The following SAAL1 variants were observed in gnomAD, a reference collection of about 807,000 sequenced individuals.
SAAL1 encodes the protein serum amyloid A like 1.
SAAL1 carries 42 observed loss-of-function variants against 59.8 expected under a neutral mutation model. That is an observed-to-expected ratio of 0.70 (90% confidence interval 0.55 to 0.91). The LOEUF is 0.91. Among genes scored for constraint, SAAL1 ranks in the 40% least tolerant of loss-of-function variants. SAAL1 has a pLI of 0.00. For synonymous variants in SAAL1, 191 were observed against 194.3 expected (o/e 0.98, Z 0.14); for missense variants, 542 against 561.1 (o/e 0.97, Z 0.34).
chr11:18,090,362 T>TA, intron 5 of SAAL1, 72 bp from the exon 6 acceptor site: 3 of 1,554,678 alleles, frequency 1.9e-6, no homozygotes, highest in Non-Finnish European at 2.6e-6. Flanking sequence ...AATTCGAAAA[T>TA]AAAAAATTAA....
chr11:18,089,369 C>T lies in SAAL1; in HGVS notation c.731G>A (p.Arg244Gln). The change falls in exon 7 of 12, where the codon CGG (arginine) becomes CAG (glutamine). Residue 244 changes from arginine (R) to glutamine (Q), a missense_variant. Coordinates refer to ENST00000524803, the MANE Select transcript of SAAL1 (RefSeq NM_138421.3). ...AGCTTCAAGTATACAGGGCACAAGC[C>T]GAAACACTGGCTGCTCTTCAGACTC... is the stretch of plus-strand genomic sequence containing the variant. The part of the protein sequence containing the change: ...QEESEEQPVF[R>Q]LVPCILEAAK... 3.1e-6 allele frequency: 5 copies of T among 1,593,266 alleles called. No homozygotes were observed. Among genetic ancestry groups the T allele is most frequent in the East Asian group, 2.3e-5 (1 of 44,036 alleles).
intron 3 of SAAL1, among the ~76,000 whole-genome samples, chr11:18,095,074 T>A (rs959890940): frequency 1.6e-4 from 24 of 152,118 alleles, no homozygotes; most frequent in African/African-American, 5.8e-4. Flanking sequence ...ATATTAGGAA[T>A]CCTGGACCTA....
intron 5 of SAAL1, 61 bp from the exon 6 acceptor site, chr11:18,090,351 A>G: frequency 1.9e-6 from 3 of 1,564,418 alleles, no homozygotes; most frequent in Non-Finnish European, 2.6e-6. Flanking sequence ...ACAGTAAAGG[A>G]AATTCGAAAA....
chr11:18,095,131 G>GT (rs1590289065), intron 3 of SAAL1, among the ~76,000 whole-genome samples: 2 of 152,250 alleles, frequency 1.3e-5, no homozygotes, highest in East Asian at 3.9e-4. Context: ...GTGATGCGGG[G>GT]ACATGCTTAA....
chr11:18,080,889 A>G (rs1292726303), intron 11 of SAAL1, among the ~76,000 whole-genome samples: 1 of 152,242 alleles, frequency 6.6e-6, no homozygotes, highest in Non-Finnish European at 1.5e-5. Flanking sequence ...TATCTACTTC[A>G]TAACAGAAAG....
In SAAL1 at chr11:18,106,011, C is replaced by CCGGCGGCGG; in HGVS notation, c.22_30dup (p.Pro8_Pro10dup). The stretch of plus-strand genomic sequence containing the variant: ...TCCTCCTCCTCCTCCTTGTCGCGAC[C>CCGGCGGCGG]CGGCGGCGGCGGCGAGGGGTTGCGG... On this transcript the variant is annotated inframe_insertion, in exon 1 of 12. Coordinates refer to ENST00000524803, the MANE Select transcript of SAAL1 (RefSeq NM_138421.3). 2 of 1,603,344 alleles carry CCGGCGGCGG rather than the reference C, an allele frequency of 1.2e-6. No homozygotes were observed. The highest frequency in any genetic ancestry group is 1.1e-5 in the South Asian group (1 of 89,946).
chr11:18,090,340 A>C, intron 5 of SAAL1, 50 bp from the exon 6 acceptor site: 1 of 1,569,558 alleles, frequency 6.4e-7, no homozygotes, highest in Non-Finnish European at 8.6e-7. Context: ...AAAAAAAAAA[A>C]ACAGTAAAGG....
intron 3 of SAAL1, 67 bp downstream of exon 3, chr11:18,096,704 A>G: frequency 1.2e-6 from 1 of 834,036 alleles, no homozygotes; most frequent in South Asian, 1.4e-5. Context: ...AGAAAAATAA[A>G]AGACTATCCA....
chr11:18,088,906 T>C lies in SAAL1; in HGVS notation c.770+424A>G, dbSNP rs147090658. ...AGCAATAAACAGTTTTAATGACCTG[T>C]AAGGCTTAGTAATCACTCTTGGCAA... On this transcript the variant is annotated intron_variant, in intron 7 of 11. Coordinates refer to ENST00000524803, the MANE Select transcript of SAAL1 (RefSeq NM_138421.3). 2.8e-3 allele frequency among the ~76,000 whole-genome samples: 420 copies of C among 152,330 alleles called. 2 individuals are homozygous for C. Among genetic ancestry groups the C allele is most frequent in the African/African-American group, 9.4e-3 (390 of 41,582 alleles).
intron 9 of SAAL1, among the ~76,000 whole-genome samples, chr11:18,085,596 C>T (rs1365963567): frequency 6.6e-6 from 1 of 152,094 alleles, no homozygotes; most frequent in African/African-American, 2.4e-5. Flanking sequence ...GTTTTTGGAA[C>T]TCAAAGTTAG....
rs1244241994 is a variant in SAAL1, at chr11:18,103,245, C to T, written c.237G>A (p.Met79Ile). 6.2e-7 allele frequency: 1 copy of T among 1,608,562 alleles called. No individual in the cohort carries two copies. Among genetic ancestry groups the T allele is most frequent in the Non-Finnish European group, 8.5e-7 (1 of 1,175,066 alleles). ...TCCAGCCTCATACCTCATCCATTGA[C>T]ATATCCCATACTCTGCAAATTTCAT... Reference protein sequence around the residue: ...MENEICRVWDMSMDEDVALFL... With the variant: ...MENEICRVWDISMDEDVALFL... The change falls in exon 2 of 12, where the codon ATG becomes ATA. Residue 79 changes from methionine (M) to isoleucine (I), a missense_variant. Coordinates refer to ENST00000524803, the MANE Select transcript of SAAL1 (RefSeq NM_138421.3).
chr11:18,104,924 C>A (rs1332395552), intron 1 of SAAL1, among the ~76,000 whole-genome samples: 1 of 151,984 alleles, frequency 6.6e-6, no homozygotes, highest in Non-Finnish European at 1.5e-5. Context: ...AGAAAATTGA[C>A]TGGAGAGGAT....
At chr11:18,083,892 C>T (rs1848435922) in intron 9 of SAAL1, among the ~76,000 whole-genome samples, 161 bp from the exon 10 acceptor site, 1 of 152,142 alleles carries the variant, frequency 6.6e-6, no homozygotes, top group South Asian at 2.1e-4. Flanking sequence ...TTTATACTTT[C>T]AAATAAGTAA....
Position 18,105,940 on chromosome 11 carries a change from G to C in SAAL1, c.102C>G (p.His34Gln), listed in dbSNP as rs368221901. 4 of 1,606,846 alleles carry C rather than the reference G, an allele frequency of 2.5e-6. No homozygotes were observed. The African/African-American group carries it at 4.0e-5, about 16-fold the overall frequency. The change falls in exon 1 of 12, where the codon CAC (histidine) becomes CAG (glutamine). Residue 34 changes from histidine to glutamine, a missense_variant. His to Gln is a conservative substitution (Grantham distance 24). Coordinates refer to ENST00000524803, the MANE Select transcript of SAAL1 (RefSeq NM_138421.3). ...DCIGSTVYSK[H>Q]WLFGVLSGLI... is the part of the protein sequence containing the mutation. ...GTCCGCTGAGGACGCCGAAGAGCCA[G>C]TGTTTGCTGTAGACCGTGCTCCCTA...
chr11:18,086,143 C>A (rs935430776), intron 9 of SAAL1, among the ~76,000 whole-genome samples: 3 of 152,122 alleles, frequency 2.0e-5, no homozygotes, highest in South Asian at 2.1e-4. Flanking sequence ...GTGGCTCATG[C>A]CTGTAATCCC....
chr11:18,083,513 A>T (rs368001389), intron 10 of SAAL1, 22 bp downstream of exon 10: 106 of 1,424,260 alleles, frequency 7.4e-5, no homozygotes, highest in Non-Finnish European at 1.0e-4. Flanking sequence ...TGCTTATGAC[A>T]TCATCAATAC....
At position 18,090,308 on chromosome 11, in the gene SAAL1, G is replaced by A. The variant is rs1253901541; in HGVS notation, c.474-18C>T. The A allele has an allele frequency of 1.3e-6, 2 of 1,543,184 alleles. No individual in the cohort carries two copies. Reference sequence around the variant, plus strand: ...GCAACAACCTACATGGTAAACGTGGGTTGAATTTCTACTTTTCAAAAAAAA... The same window carrying A: ...GCAACAACCTACATGGTAAACGTGGATTGAATTTCTACTTTTCAAAAAAAA... On this transcript the variant is annotated intron_variant, in intron 5 of 11. Coordinates refer to ENST00000524803, the MANE Select transcript of SAAL1 (RefSeq NM_138421.3).
At chr11:18,083,861 A>C in intron 9 of SAAL1, 130 bp from the exon 10 acceptor site, 1 of 486,650 alleles carries the variant, frequency 2.1e-6, no homozygotes, top group Non-Finnish European at 3.6e-6. Flanking sequence ...GCAAGATGTC[A>C]GCCCATAAGA....
chr11:18,084,865 G>A (rs1289153152), intron 9 of SAAL1, among the ~76,000 whole-genome samples: 2 of 152,032 alleles, frequency 1.3e-5, no homozygotes, highest in East Asian at 1.9e-4. Flanking sequence ...TCCCAGGTTC[G>A]AGCAACTCTC....
Sources: gnomAD v4.1 joint callset for allele counts (sites outside exome capture counted in the v4.1 genomes callset) on GRCh38, gnomAD v4.1.1 for gene constraint, MANE v1.5 for transcripts, NCBI Gene and HGNC (gene_info 2026-07-23, HGNC 2026-07-21) for gene names.